Variants in CADM2 observed in about 807,000 individuals in gnomAD.
CADM2 encodes immunoglobulin superfamily member 4D.
Under a neutral mutation model 49.8 loss-of-function variants are expected in CADM2, and 12 were observed. The observed-to-expected ratio is 0.24, with a 90% confidence interval of 0.15 to 0.39. The LOEUF (loss-of-function observed/expected upper bound fraction) is 0.39. Among genes scored for constraint, CADM2 ranks in the 10% least tolerant of loss-of-function variants. The pLI is 1.00. For missense variants in CADM2, 378 were observed against 492.3 expected (o/e 0.77, Z 2.20); for synonymous variants, 214 against 175.4 (o/e 1.22, Z -1.74).
At chr3:84,963,416 C>T (rs192314970) in intron 1 of CADM2, among the ~76,000 whole-genome samples, 216 of 151,816 alleles carry the variant, frequency 1.4e-3, no homozygotes, top group Middle Eastern at 3.4e-3. Context: ...CTGGAAAGGG[C>T]AAAAAAGAAA....
chr3:85,703,412 A>T (rs915489910), intron 1 of CADM2, among the ~76,000 whole-genome samples: 1 of 152,156 alleles, frequency 6.6e-6, no homozygotes, highest in African/African-American at 2.4e-5. Context: ...CACAGCTGGT[A>T]TACATAATAA....
chr3:85,725,058 CT>C (rs2067646605), intron 1 of CADM2, among the ~76,000 whole-genome samples: 2 of 151,814 alleles, frequency 1.3e-5, no homozygotes, highest in African/African-American at 4.8e-5. Flanking sequence ...TAGTCTACCA[CT>C]TTGTCTATGT....
chr3:85,326,846 A>G (rs2044767396), intron 1 of CADM2, among the ~76,000 whole-genome samples: 1 of 152,162 alleles, frequency 6.6e-6, no homozygotes, highest in Non-Finnish European at 1.5e-5. Context: ...GGCAGTAATT[A>G]CACTATTTTA....
Position 85,594,417 on chromosome 3 carries a change from A to G in CADM2, c.62-132105A>G, listed in dbSNP as rs1158773610. ...ACAGTGAATTCAAAAGCCATTGAAAATATAATTATATTTTTCATGTTTTGG... is the reference window on the plus strand; with the variant it reads ...ACAGTGAATTCAAAAGCCATTGAAAGTATAATTATATTTTTCATGTTTTGG... On this transcript the variant is annotated intron_variant, in intron 1 of 9. Transcript: ENST00000383699. Among the ~76,000 whole-genome samples the G allele has an allele frequency of 3.3e-5, 5 of 151,982 alleles. No individual in the cohort carries two copies. The East Asian group carries it at 9.7e-4, about 29-fold the overall frequency.
intron 1 of CADM2, among the ~76,000 whole-genome samples, chr3:85,326,417 G>A (rs1042665796): frequency 1.3e-5 from 2 of 152,006 alleles, no homozygotes; most frequent in African/African-American, 2.4e-5. Flanking sequence ...TCATAAAAGT[G>A]TACCTTTTTT....
intron 1 of CADM2, among the ~76,000 whole-genome samples, chr3:85,292,824 A>G (rs1412681034): frequency 6.6e-6 from 1 of 152,208 alleles, no homozygotes; most frequent in Non-Finnish European, 1.5e-5. Flanking sequence ...GTAAATGCCC[A>G]CAAGAGAAAG....
chr3:86,048,266 A>T (rs1736908476), intron 8 of CADM2, among the ~76,000 whole-genome samples: 1 of 152,046 alleles, frequency 6.6e-6, no homozygotes, highest in Non-Finnish European at 1.5e-5. Context: ...GTGTGTATAT[A>T]TATATGTACA....
intron 1 of CADM2, among the ~76,000 whole-genome samples, chr3:85,537,494 TTGTGTGTG>T (rs60728026): frequency 1.4e-4 from 12 of 85,578 alleles, no homozygotes; most frequent in African/African-American, 3.5e-4. Context: ...GCATGGTTGT[TTGTGTGTG>T]TGTGTGTGTG....
intron 1 of CADM2, among the ~76,000 whole-genome samples, chr3:85,027,594 A>T (rs1365449210): frequency 6.6e-6 from 1 of 152,132 alleles, no homozygotes; most frequent in East Asian, 1.9e-4. Flanking sequence ...AAAAATGAGC[A>T]AACGTTTTCT....
At chr3:85,825,433 A>G (rs894930420) in intron 3 of CADM2, among the ~76,000 whole-genome samples, 1 of 152,062 alleles carries the variant, frequency 6.6e-6, no homozygotes, top group African/African-American at 2.4e-5. Context: ...CCAAATAAGT[A>G]TTCCACCTTA....
chr3:86,011,484 C>T (rs1029584235), intron 8 of CADM2, among the ~76,000 whole-genome samples: 6 of 151,972 alleles, frequency 3.9e-5, no homozygotes, highest in Admixed American at 1.3e-4. Flanking sequence ...TACCAAAGGC[C>T]GTTGCCACAA....
intron 7 of CADM2, among the ~76,000 whole-genome samples, chr3:85,960,668 A>G (rs1473943044): frequency 2.0e-5 from 3 of 151,952 alleles, no homozygotes; most frequent in Non-Finnish European, 4.4e-5. Flanking sequence ...TAATTATTAC[A>G]GAAGACTGAA....
chr3:85,547,335 G>C (rs937481069), intron 1 of CADM2, among the ~76,000 whole-genome samples: 1 of 152,158 alleles, frequency 6.6e-6, no homozygotes, highest in Admixed American at 6.5e-5. Flanking sequence ...TATACAGTGC[G>C]ATGGATGGCA....
intron 1 of CADM2, among the ~76,000 whole-genome samples, chr3:85,237,928 T>A (rs1430429374): frequency 6.6e-6 from 1 of 151,900 alleles, no homozygotes; most frequent in African/African-American, 2.4e-5. Flanking sequence ...ATATATTTTT[T>A]GGAAAGTATC....
intron 3 of CADM2, among the ~76,000 whole-genome samples, chr3:85,849,200 G>C (rs969502340): frequency 6.6e-6 from 1 of 152,108 alleles, no homozygotes; most frequent in Non-Finnish European, 1.5e-5. Context: ...TTATACACAG[G>C]AAATGCTATT....
chr3:85,239,214 A>C (rs532545796), intron 1 of CADM2, among the ~76,000 whole-genome samples: 2 of 151,866 alleles, frequency 1.3e-5, no homozygotes, highest in East Asian at 3.9e-4. Context: ...TAATTGTGCC[A>C]TTTAGAACTA....
chr3:85,216,722 G>C (rs2041937370), intron 1 of CADM2, among the ~76,000 whole-genome samples: 1 of 152,000 alleles, frequency 6.6e-6, no homozygotes, highest in South Asian at 2.1e-4. Context: ...AAGATTGATT[G>C]AGTTTATCTT....
In CADM2 at chr3:85,947,785, C is replaced by T. The variant is rs142333816; in HGVS notation, c.791+11928C>T. The stretch of plus-strand genomic sequence containing the variant: ...TATTTAGGCTGGGCATGGGCATCTG[C>T]GGTGTGTTGGGCACTCAATCATTTT... On this transcript the variant is annotated intron_variant, in intron 7 of 9. Transcript: ENST00000383699. 5.3e-5 allele frequency among the ~76,000 whole-genome samples: 8 copies of T among 151,574 alleles called. No individual in the cohort carries two copies. In the East Asian group the frequency reaches 5.9e-4, roughly 11 times the overall value.
At chr3:85,809,313 A>G (rs1054494245) in intron 3 of CADM2, among the ~76,000 whole-genome samples, 2 of 152,138 alleles carry the variant, frequency 1.3e-5, no homozygotes, top group African/African-American at 4.8e-5. Context: ...TTTTCTGGCC[A>G]GGTGAGGTGG....
Sources: gnomAD v4.1 joint callset for allele counts (sites outside exome capture counted in the v4.1 genomes callset) on GRCh38, gnomAD v4.1.1 for gene constraint, MANE v1.5 for transcripts, NCBI Gene and HGNC (gene_info 2026-07-23, HGNC 2026-07-21) for gene names.